Variants in LPAR1 observed in about 807,000 individuals in gnomAD.
LPAR1 encodes the protein LPA receptor 1.
LPAR1 carries 5 observed loss-of-function variants against 23.8 expected under a neutral mutation model. That is an observed-to-expected ratio of 0.21 (90% CI 0.11 to 0.44). LPAR1 has a LOEUF of 0.44. Among genes scored for constraint, LPAR1 ranks in the 20% least tolerant of loss-of-function variants. The pLI is 0.99. For missense variants in LPAR1, 311 were observed against 482.8 expected (o/e 0.64, Z 3.33); for synonymous variants, 160 against 164.7 (o/e 0.97, Z 0.22).
At chr9:110,880,734 G>A (rs918143373) in intron 5 of LPAR1, among the ~76,000 whole-genome samples, 4 of 152,106 alleles carry the variant, frequency 2.6e-5, no homozygotes, top group South Asian at 2.1e-4. Flanking sequence ...AGAGACCTGC[G>A]GTGGGAATCA....
At chr9:110,939,866 C>T (rs939292887) in intron 5 of LPAR1, among the ~76,000 whole-genome samples, 6 of 152,150 alleles carry the variant, frequency 3.9e-5, no homozygotes, top group African/African-American at 1.4e-4. Flanking sequence ...ACATTTAGGT[C>T]ATCAGCAAAT....
At chr9:110,944,162 C>T (rs2095289048) in intron 4 of LPAR1, among the ~76,000 whole-genome samples, 1 of 152,150 alleles carries the variant, frequency 6.6e-6, no homozygotes, top group African/African-American at 2.4e-5. Context: ...ACATAACCCG[C>T]AAGAACTTCT....
intron 5 of LPAR1, among the ~76,000 whole-genome samples, chr9:110,912,763 GATTCCATTCTAAAT>G (rs1359331373): frequency 2.0e-5 from 3 of 151,950 alleles, no homozygotes; most frequent in Non-Finnish European, 4.4e-5. Context: ...AAGGGCTAGA[GATTCCATTCTAAAT>G]GCCACCAGGA....
rs538233253 is a variant in LPAR1, at chr9:110,980,506, G to A, written c.-181-6948C>T. ...GAGCCTGGAGGACTGCATGTTAAGC[G>A]AAGTAAGTCAGGCACAGAAAGATAA... On this transcript the variant is annotated intron_variant, in intron 2 of 5. Coordinates refer to ENST00000683809, the MANE Select transcript of LPAR1 (RefSeq NM_001351411.2). 4.6e-4 allele frequency among the ~76,000 whole-genome samples: 70 copies of A among 151,936 alleles called. No individual in the cohort carries two copies. In the South Asian group the frequency reaches 0.012, roughly 26 times the overall value.
At chr9:111,010,621 T>G (rs912146595) in intron 2 of LPAR1, among the ~76,000 whole-genome samples, 15 of 152,150 alleles carry the variant, frequency 9.9e-5, no homozygotes, top group African/African-American at 2.9e-4. Context: ...TTGCCGCCTT[T>G]CTTAATGACA....
intron 4 of LPAR1, among the ~76,000 whole-genome samples, chr9:110,961,637 A>AAAAG (rs1564176170): frequency 1.1e-4 from 16 of 145,158 alleles, no homozygotes; most frequent in Admixed American, 2.8e-4. Context: ...AAAAAAAAAA[A>AAAAG]AAAGAAAGAA....
intron 5 of LPAR1, among the ~76,000 whole-genome samples, chr9:110,888,871 T>C (rs1292011066): frequency 6.6e-6 from 1 of 152,028 alleles, no homozygotes. Flanking sequence ...ACCTGAAAAC[T>C]GAAAAAATGA....
intron 2 of LPAR1, among the ~76,000 whole-genome samples, chr9:111,009,564 T>C (rs1181457701): frequency 6.6e-6 from 1 of 152,144 alleles, no homozygotes; most frequent in African/African-American, 2.4e-5. Flanking sequence ...ATGATTGGTT[T>C]ATGTTTGAGT....
chr9:110,954,643 C>G (rs1372100090), intron 4 of LPAR1, among the ~76,000 whole-genome samples: 1 of 152,030 alleles, frequency 6.6e-6, no homozygotes, highest in East Asian at 1.9e-4. Flanking sequence ...AGAAATTGTA[C>G]AGGCCAGGAG....
intron 5 of LPAR1, among the ~76,000 whole-genome samples, chr9:110,879,149 G>C (rs1028490358): frequency 2.6e-5 from 4 of 152,178 alleles, no homozygotes; most frequent in Non-Finnish European, 5.9e-5. Context: ...CGGTGCGGGA[G>C]CTCACGCCTG....
At position 110,913,859 on chromosome 9, in the gene LPAR1, T is replaced by C. The variant is rs1588288129; in HGVS notation, c.793+27562A>G. On this transcript the variant is annotated intron_variant, in intron 5 of 5. Coordinates refer to ENST00000683809, the MANE Select transcript of LPAR1 (RefSeq NM_001351411.2). ...TGTAGAATGTAGATGAAAGGTTACA[T>C]GCTCAAAGAGGAGAGAACATCTAAG... 3.3e-5 allele frequency among the ~76,000 whole-genome samples: 5 copies of C among 152,312 alleles called. 1 individual carries two copies. The highest frequency in any genetic ancestry group is 1.2e-4 in the African/African-American group (5 of 41,578).
intron 2 of LPAR1, among the ~76,000 whole-genome samples, chr9:111,008,504 T>C (rs1335579782): frequency 6.6e-6 from 1 of 152,088 alleles, no homozygotes; most frequent in Non-Finnish European, 1.5e-5. Flanking sequence ...CCAGGTGACC[T>C]TGAGTTTTGG....
intron 5 of LPAR1, chr9:110,934,474 C>T (rs1276167639): frequency 6.6e-6 from 1 of 152,144 alleles, no homozygotes; most frequent in Non-Finnish European, 1.5e-5. Context: ...TTTGTTCTTT[C>T]TCCACTCCCA....
chr9:111,038,709 C>A, upstream of LPAR1: 1 of 452,264 alleles, frequency 2.2e-6, no homozygotes. The surrounding 1 kb of genome is among the most constrained non-coding windows in gnomAD (Gnocchi z 4.4). Flanking sequence ...TTCATTGGCT[C>A]GACAGCCCAC....
chr9:110,881,719 T>C (rs558347), intron 5 of LPAR1, among the ~76,000 whole-genome samples: 36,225 of 152,128 alleles, frequency 0.24, 4,789 homozygotes, highest in East Asian at 0.32. Context: ...TATCTGCCAA[T>C]TGCAACAGGC....
chr9:110,913,010 C>A (rs1042591134), intron 5 of LPAR1, among the ~76,000 whole-genome samples: 10 of 152,196 alleles, frequency 6.6e-5, no homozygotes, highest in African/African-American at 1.4e-4. Flanking sequence ...TACTCTTTAG[C>A]ACATCCTATG....
intron 4 of LPAR1, among the ~76,000 whole-genome samples, chr9:110,971,437 T>A (rs959400198): frequency 6.6e-6 from 1 of 152,194 alleles, no homozygotes; most frequent in Non-Finnish European, 1.5e-5. Context: ...TTCCACATTG[T>A]ACCCTGCTGC....
At chr9:110,986,026 G>GA (rs1027930730) in intron 2 of LPAR1, among the ~76,000 whole-genome samples, 4 of 152,008 alleles carry the variant, frequency 2.6e-5, no homozygotes, top group Admixed American at 1.3e-4. Flanking sequence ...AAAGAAGACT[G>GA]AAAAAAATCC....
At position 110,921,517 on chromosome 9, in the gene LPAR1, G is replaced by T. The variant is rs1181617132; in HGVS notation, c.793+19904C>A. ...CTTTTCATTTGATTCTCACATGAAG[G>T]AAGTCAATTATCTCTATTTTACAGA... On this transcript the variant is annotated intron_variant, in intron 5 of 5. Coordinates refer to ENST00000683809, the MANE Select transcript of LPAR1 (RefSeq NM_001351411.2). 3.9e-5 allele frequency among the ~76,000 whole-genome samples: 6 copies of T among 152,322 alleles called. No individual in the cohort carries two copies. In the South Asian group the frequency reaches 1.2e-3, roughly 32 times the overall value.
Sources: gnomAD v4.1 joint callset for allele counts (sites outside exome capture counted in the v4.1 genomes callset) on GRCh38, gnomAD v4.1.1 for gene constraint, Gnocchi (gnomAD v3.1) non-coding constraint, MANE v1.5 for transcripts, NCBI Gene and HGNC (gene_info 2026-07-23, HGNC 2026-07-21) for gene names.